The following QTMAN variants were observed in gnomAD, a reference collection of about 807,000 sequenced individuals.
QTMAN encodes the protein queuosine-tRNA mannosyltransferase.
the QTMAN span, among the ~76,000 whole-genome samples, chr2:144,049,275 A>T: frequency 6.6e-6 from 1 of 152,192 alleles, no homozygotes; most frequent in African/African-American, 2.4e-5. Flanking sequence ...CGTTTTGTTT[A>T]GTCTCATAGA....
the QTMAN span, among the ~76,000 whole-genome samples, chr2:144,279,336 T>TA: frequency 1.4e-5 from 2 of 143,762 alleles, no homozygotes; most frequent in Admixed American, 1.4e-4. Flanking sequence ...CACACTCTTC[T>TA]AGCCTGCCCA....
At chr2:144,268,285 T>C in the QTMAN span, among the ~76,000 whole-genome samples, 5 of 152,216 alleles carry the variant, frequency 3.3e-5, no homozygotes, top group Non-Finnish European at 5.9e-5. Context: ...AAGCAGATGC[T>C]GGTGCCATGT....
chr2:144,298,957 C>T, the QTMAN span, among the ~76,000 whole-genome samples: 2 of 152,168 alleles, frequency 1.3e-5, no homozygotes, highest in African/African-American at 4.8e-5. Flanking sequence ...GGTACACAAA[C>T]AGCCCATTAC....
the QTMAN span, among the ~76,000 whole-genome samples, chr2:143,983,634 C>A: frequency 6.6e-6 from 1 of 152,030 alleles, no homozygotes; most frequent in East Asian, 1.9e-4. Flanking sequence ...CCACCATGCC[C>A]GGCTAATTTT....
At chr2:144,116,129 C>T in the QTMAN span, among the ~76,000 whole-genome samples, 3 of 151,992 alleles carry the variant, frequency 2.0e-5, no homozygotes, top group African/African-American at 7.3e-5. Context: ...AATATGTACA[C>T]CATAACATTC....
the QTMAN span, among the ~76,000 whole-genome samples, chr2:144,113,374 G>T: frequency 4.0e-5 from 6 of 151,444 alleles, no homozygotes; most frequent in Non-Finnish European, 8.8e-5. Context: ...CGGTGACCCT[G>T]AACAGAGAAC....
chr2:144,142,131 A>G, the QTMAN span: 1 of 993,830 alleles, frequency 1.0e-6, no homozygotes, highest in East Asian at 2.5e-5. Context: ...TAAGACCTCT[A>G]TGGATTAATC....
At chr2:144,180,062 T>C in the QTMAN span, among the ~76,000 whole-genome samples, 6 of 152,150 alleles carry the variant, frequency 3.9e-5, no homozygotes, top group Non-Finnish European at 7.4e-5. Flanking sequence ...GTTAGGAACA[T>C]TACTCAGTAG....
At chr2:144,086,888 C>G in the QTMAN span, among the ~76,000 whole-genome samples, 1 of 152,094 alleles carries the variant, frequency 6.6e-6, no homozygotes, top group Non-Finnish European at 1.5e-5. Flanking sequence ...GACACTATAT[C>G]TATGGGAAAA....
At chr2:144,142,820 A>G in the QTMAN span, among the ~76,000 whole-genome samples, 1 of 152,032 alleles carries the variant, frequency 6.6e-6, no homozygotes, top group African/African-American at 2.4e-5. Context: ...TTCGAATTCA[A>G]TGAAATAAAT....
At chr2:144,313,320 A>AT in the QTMAN span, among the ~76,000 whole-genome samples, 1 of 152,230 alleles carries the variant, frequency 6.6e-6, no homozygotes, top group Non-Finnish European at 1.5e-5. Context: ...AGGGTTACTT[A>AT]TTACCCTTTG....
chr2:144,168,772 A>C, the QTMAN span, among the ~76,000 whole-genome samples: 1 of 152,124 alleles, frequency 6.6e-6, no homozygotes, highest in Non-Finnish European at 1.5e-5. Context: ...AGAAAGTTAT[A>C]AAATGTTAAA....
chr2:144,070,768 T>C, the QTMAN span, among the ~76,000 whole-genome samples: 1 of 152,260 alleles, frequency 6.6e-6, no homozygotes, highest in East Asian at 1.9e-4. Flanking sequence ...ATTATACGTT[T>C]CCAGTATTAT....
At chr2:144,223,828 T>G in the QTMAN span, among the ~76,000 whole-genome samples, 1 of 152,204 alleles carries the variant, frequency 6.6e-6, no homozygotes, top group African/African-American at 2.4e-5. Context: ...ACCTTTCACC[T>G]TGGGCCTGAC....
the QTMAN span, among the ~76,000 whole-genome samples, chr2:144,315,956 A>T: frequency 1.1e-4 from 17 of 152,078 alleles, no homozygotes; most frequent in Admixed American, 9.2e-4. Context: ...CAAATATCCC[A>T]CATCATTTTG....
chr2:144,115,944 C>G, the QTMAN span, among the ~76,000 whole-genome samples: 1 of 152,140 alleles, frequency 6.6e-6, no homozygotes, highest in African/African-American at 2.4e-5. Context: ...CAGTAACTCA[C>G]AGGCAGGGAG....
chr2:144,074,550 G>A, the QTMAN span, among the ~76,000 whole-genome samples: 336 of 152,214 alleles, frequency 2.2e-3, 1 homozygote, highest in African/African-American at 7.6e-3. Flanking sequence ...CTAATCTTGC[G>A]TAACTGTGAT....
At chr2:144,133,212 TAC>T in the QTMAN span, among the ~76,000 whole-genome samples, 10 of 78,272 alleles carry the variant, frequency 1.3e-4, no homozygotes, top group African/African-American at 4.0e-4. Flanking sequence ...TATTTATATA[TAC>T]ATATATAAAT....
chr2:143,952,019 C>A, the QTMAN span: 2 of 1,601,984 alleles, frequency 1.2e-6, no homozygotes, highest in Admixed American at 1.7e-5. Context: ...TGGTCTCTTG[C>A]AGAAATTCTG....
Sources: allele counts gnomAD v4.1 joint callset (sites outside exome capture counted in the v4.1 genomes callset), GRCh38; gene constraint gnomAD v4.1.1; transcripts MANE v1.5; gene names NCBI Gene and HGNC (gene_info 2026-07-23, HGNC 2026-07-21).